The following HS6ST3 variants were observed in gnomAD, a reference collection of about 807,000 sequenced individuals.
HS6ST3 encodes heparan sulfate 6-O-sulfotransferase 3, also known as heparan-sulfate 6-O-sulfotransferase 3.
HS6ST3 carries 12 observed loss-of-function variants against 36.7 expected under a neutral mutation model. The observed-to-expected ratio is 0.33, with a 90% CI of 0.21 to 0.53. The LOEUF (loss-of-function observed/expected upper bound fraction) is 0.53. Ranked by LOEUF, HS6ST3 falls within the 20% of genes least tolerant of loss-of-function variation. HS6ST3 has a pLI of 0.95. For synonymous variants in HS6ST3, 240 were observed against 257.5 expected, an observed-to-expected ratio of 0.93 and a Z score of 0.65; for missense variants, 584 against 640.9, an observed-to-expected ratio of 0.91 and a Z score of 0.96.
At chr13:96,533,788 A>G (rs1009064544) in intron 1 of HS6ST3, among the ~76,000 whole-genome samples, 1 of 152,220 alleles carries the variant, frequency 6.6e-6, no homozygotes, top group Non-Finnish European at 1.5e-5. Flanking sequence ...AGGTCTTTGC[A>G]GGCATTCACA....
intron 1 of HS6ST3, among the ~76,000 whole-genome samples, chr13:96,598,906 T>A (rs773473440): frequency 1.3e-5 from 2 of 152,094 alleles, no homozygotes; most frequent in African/African-American, 2.4e-5. Flanking sequence ...TTATCAATAT[T>A]TTTCTTCCTC....
intron 1 of HS6ST3, among the ~76,000 whole-genome samples, chr13:96,390,079 C>T (rs902328398): frequency 5.3e-5 from 8 of 151,916 alleles, no homozygotes; most frequent in East Asian, 1.9e-4. Context: ...AATTGTTTGC[C>T]ATTTTACTTT....
chr13:96,656,955 TTGTGTGTGTGTGTG>T (rs754838881), intron 1 of HS6ST3, among the ~76,000 whole-genome samples: 22 of 122,306 alleles, frequency 1.8e-4, no homozygotes, highest in Admixed American at 3.3e-4. Context: ...GGCTTTTCTT[TTGTGTGTGTGTGTG>T]TGTGTGTGTG....
chr13:96,343,475 G>C (rs905548214), intron 1 of HS6ST3, among the ~76,000 whole-genome samples: 2 of 152,096 alleles, frequency 1.3e-5, no homozygotes, highest in Non-Finnish European at 2.9e-5. Flanking sequence ...TACTTTTAAG[G>C]ATTCTTGTGA....
At chr13:96,261,245 A>G in intron 1 of HS6ST3, among the ~76,000 whole-genome samples, 1 of 151,136 alleles carries the variant, frequency 6.6e-6, no homozygotes, top group Non-Finnish European at 1.5e-5. Flanking sequence ...TAATATAAAC[A>G]ATTTAAAGTC....
intron 1 of HS6ST3, among the ~76,000 whole-genome samples, chr13:96,158,308 T>C (rs61968012): frequency 2.0e-5 from 3 of 151,836 alleles, no homozygotes; most frequent in Non-Finnish European, 4.4e-5. Context: ...GGAGATGGCA[T>C]GGATCTAAAT....
At chr13:96,454,242 G>A (rs1368438812) in intron 1 of HS6ST3, among the ~76,000 whole-genome samples, 1 of 152,126 alleles carries the variant, frequency 6.6e-6, no homozygotes, top group African/African-American at 2.4e-5. Flanking sequence ...CCTTAGTTCT[G>A]GGCCATCAGT....
intron 1 of HS6ST3, among the ~76,000 whole-genome samples, chr13:96,688,939 T>G (rs972513503): frequency 2.0e-5 from 3 of 151,984 alleles, no homozygotes; most frequent in Non-Finnish European, 4.4e-5. Context: ...CTCCCAGAGG[T>G]CTTTTCGATC....
At chr13:96,515,724 G>T (rs1240594951) in intron 1 of HS6ST3, among the ~76,000 whole-genome samples, 1 of 152,096 alleles carries the variant, frequency 6.6e-6, no homozygotes. Flanking sequence ...TGCCATATAA[G>T]ACATACCTCT....
chr13:96,602,370 G>A (rs897295549), intron 1 of HS6ST3, among the ~76,000 whole-genome samples: 4 of 152,094 alleles, frequency 2.6e-5, no homozygotes, highest in Non-Finnish European at 4.4e-5. Context: ...TTAGCATGAT[G>A]TCTGTGTATT....
chr13:96,216,331 C>T (rs1263828806), intron 1 of HS6ST3, among the ~76,000 whole-genome samples: 3 of 152,150 alleles, frequency 2.0e-5, no homozygotes, highest in East Asian at 3.9e-4. Flanking sequence ...TTGATGACTG[C>T]TTAATATTCC....
chr13:96,148,756 C>T (rs538304090), intron 1 of HS6ST3, among the ~76,000 whole-genome samples: 2 of 152,102 alleles, frequency 1.3e-5, no homozygotes, highest in South Asian at 4.2e-4. Flanking sequence ...AGGATGAAAC[C>T]CAGGTAGCTA....
At chr13:96,179,948 G>A (rs998442053) in intron 1 of HS6ST3, among the ~76,000 whole-genome samples, 12 of 152,164 alleles carry the variant, frequency 7.9e-5, no homozygotes, top group African/African-American at 2.9e-4. Flanking sequence ...TCCTGCCTCA[G>A]CCTACCGAGT....
intron 1 of HS6ST3, among the ~76,000 whole-genome samples, chr13:96,204,165 A>T (rs1007601520): frequency 1.3e-5 from 2 of 152,198 alleles, no homozygotes; most frequent in Non-Finnish European, 2.9e-5. Context: ...TAAAATATGT[A>T]TATATTGGCA....
intron 1 of HS6ST3, among the ~76,000 whole-genome samples, chr13:96,100,694 T>C (rs770709618): frequency 1.3e-5 from 2 of 152,164 alleles, no homozygotes; most frequent in Non-Finnish European, 2.9e-5. Context: ...CATTTCCTCC[T>C]ATTGTCTTCC....
chr13:96,098,506 G>A (rs1191140704), intron 1 of HS6ST3, among the ~76,000 whole-genome samples: 2 of 152,064 alleles, frequency 1.3e-5, no homozygotes, highest in African/African-American at 4.8e-5. Context: ...ATTTGTGACC[G>A]TAATTGGGGT....
chr13:96,353,431 C>T (rs989614066), intron 1 of HS6ST3, among the ~76,000 whole-genome samples: 1 of 151,980 alleles, frequency 6.6e-6, no homozygotes, highest in African/African-American at 2.4e-5. Flanking sequence ...GGTATTGTGG[C>T]CACCTGGCTA....
At chr13:96,272,046 G>A (rs532233573) in intron 1 of HS6ST3, among the ~76,000 whole-genome samples, 3 of 152,096 alleles carry the variant, frequency 2.0e-5, no homozygotes, top group African/African-American at 7.2e-5. Context: ...TGAAGCCAAG[G>A]TATTTATTTA....
intron 1 of HS6ST3, among the ~76,000 whole-genome samples, chr13:96,486,132 T>G (rs547107142): frequency 9.9e-4 from 150 of 151,700 alleles, no homozygotes; most frequent in African/African-American, 2.8e-3. Context: ...TTTTGTCCTT[T>G]CGATAGTTTG....
Sources: allele counts gnomAD v4.1 joint callset (sites outside exome capture counted in the v4.1 genomes callset), GRCh38; gene constraint gnomAD v4.1.1; transcripts MANE v1.5; gene names NCBI Gene and HGNC (gene_info 2026-07-23, HGNC 2026-07-21).